Variants in CYP2C19 observed in about 807,000 individuals in gnomAD.
The protein encoded by CYP2C19 is cytochrome P450 2C19.
CYP2C19 carries 59 observed loss-of-function variants against 40.9 expected under a neutral mutation model. The ratio of observed to expected loss-of-function variants is 1.44; its 90% CI spans 1.17 to 1.79. The LOEUF (loss-of-function observed/expected upper bound fraction) is 1.79. Among genes scored for constraint, CYP2C19 ranks in the 40% most tolerant of loss-of-function variants. The pLI is 0.00. For synonymous variants in CYP2C19, 253 were observed against 208.7 expected (o/e 1.21, Z -1.83); for missense variants, 754 against 596.9 (o/e 1.26, Z -2.74).
chr10:94,807,600 A>G (rs1190807142), intron 5 of CYP2C19, among the ~76,000 whole-genome samples: 1 of 152,018 alleles, frequency 6.6e-6, no homozygotes, highest in Non-Finnish European at 1.5e-5. Flanking sequence ...GAGTGAGCTG[A>G]TATCTCATTG....
intron 7 of CYP2C19, among the ~76,000 whole-genome samples, chr10:94,847,056 CTTTATTTTATTTA>C (rs1849582618): frequency 6.6e-6 from 1 of 150,998 alleles, no homozygotes. Context: ...GAGACTTCAA[CTTTATTTTATTTA>C]TTTATTTATT....
chr10:94,798,814 A>ATTTTTTTTTTTTTTTTTT (rs61240923), intron 5 of CYP2C19, among the ~76,000 whole-genome samples: 116 of 67,680 alleles, frequency 1.7e-3, no homozygotes, highest in Admixed American at 2.9e-3. Context: ...GCAACCCCTG[A>ATTTTTTTTTTTTTTTTTT]TTTTTTTTTT....
intron 5 of CYP2C19, among the ~76,000 whole-genome samples, chr10:94,800,485 C>T (rs569959767): frequency 5.3e-5 from 8 of 152,322 alleles, no homozygotes; most frequent in African/African-American, 1.9e-4. Flanking sequence ...GGTTCAGGTA[C>T]CCACTTGAGG....
intron 5 of CYP2C19, among the ~76,000 whole-genome samples, chr10:94,812,758 C>T (rs1050617852): frequency 6.6e-6 from 1 of 151,700 alleles, no homozygotes; most frequent in South Asian, 2.1e-4. Context: ...GTTAGCAATT[C>T]GTCTAACATT....
intron 5 of CYP2C19, among the ~76,000 whole-genome samples, chr10:94,791,553 C>CTGG (rs1167298196): frequency 3.3e-5 from 5 of 152,102 alleles, no homozygotes; most frequent in African/African-American, 1.2e-4. Flanking sequence ...CCCAGAAATT[C>CTGG]TGGTGTGTTG....
chr10:94,845,578 T>G (rs1219817759), intron 7 of CYP2C19, among the ~76,000 whole-genome samples: 1 of 152,178 alleles, frequency 6.6e-6, no homozygotes, highest in African/African-American at 2.4e-5. Context: ...GAGTTTTAAC[T>G]TTCCCATAAT....
chr10:94,794,370 C>T (rs1848653294), intron 5 of CYP2C19, among the ~76,000 whole-genome samples: 1 of 152,108 alleles, frequency 6.6e-6, no homozygotes, highest in South Asian at 2.1e-4. Flanking sequence ...CATTGTCTGA[C>T]AAGCCCCAGT....
intron 6 of CYP2C19, among the ~76,000 whole-genome samples, chr10:94,827,383 A>T (rs1849245367): frequency 6.6e-6 from 1 of 151,804 alleles, no homozygotes. Flanking sequence ...TTCCTGGTTT[A>T]GTCTTGGGAG....
chr10:94,790,931 C>T (rs28872185), intron 5 of CYP2C19, among the ~76,000 whole-genome samples: 19 of 152,068 alleles, frequency 1.2e-4, no homozygotes, highest in African/African-American at 4.3e-4. Flanking sequence ...GGAATAGTTT[C>T]AGAAGGAATG....
chr10:94,826,912 G>C (rs1336767361), intron 6 of CYP2C19, among the ~76,000 whole-genome samples: 1 of 152,096 alleles, frequency 6.6e-6, no homozygotes, highest in Non-Finnish European at 1.5e-5. Flanking sequence ...ATGTAGTATT[G>C]AGATAATCAT....
chr10:94,812,844 C>T (rs1004542048), intron 5 of CYP2C19, among the ~76,000 whole-genome samples: 1 of 152,012 alleles, frequency 6.6e-6, no homozygotes, highest in Non-Finnish European at 1.5e-5. Flanking sequence ...TATTACACAC[C>T]TTCTGAAGCC....
At chr10:94,826,727 G>C (rs532781331) in intron 6 of CYP2C19, among the ~76,000 whole-genome samples, 1 of 152,284 alleles carries the variant, frequency 6.6e-6, no homozygotes, top group African/African-American at 2.4e-5. Flanking sequence ...AGGCATCCCT[G>C]TCTTGTGCCA....
At chr10:94,778,314 G>T (rs1848437555) in intron 3 of CYP2C19, among the ~76,000 whole-genome samples, 1 of 152,054 alleles carries the variant, frequency 6.6e-6, no homozygotes, top group Non-Finnish European at 1.5e-5. Context: ...CTCCCTCACG[G>T]TCAGAGAACA....
chr10:94,837,480 G>T (rs1308269659), intron 6 of CYP2C19, among the ~76,000 whole-genome samples: 4 of 152,252 alleles, frequency 2.6e-5, no homozygotes, highest in South Asian at 4.2e-4. Context: ...CTATGTTCAG[G>T]TGTATAATGG....
At chr10:94,782,020 G>A in intron 5 of CYP2C19, 23 bp downstream of exon 5, 1 of 1,520,716 alleles carries the variant, frequency 6.6e-7, no homozygotes, top group Middle Eastern at 1.9e-4. Flanking sequence ...CAAAAGCTTA[G>A]TTATGTGACT....
intron 6 of CYP2C19, among the ~76,000 whole-genome samples, chr10:94,838,829 G>T (rs149240063): frequency 3.3e-5 from 5 of 151,934 alleles, no homozygotes; most frequent in Non-Finnish European, 7.4e-5. Flanking sequence ...TACAAAAGAG[G>T]TCTAGCTGTA....
At chr10:94,823,403 G>T (rs1311961527) in intron 6 of CYP2C19, among the ~76,000 whole-genome samples, 1 of 152,138 alleles carries the variant, frequency 6.6e-6, no homozygotes, top group Non-Finnish European at 1.5e-5. Context: ...TTTGGTAAGG[G>T]TCCACACCTT....
intron 1 of CYP2C19, among the ~76,000 whole-genome samples, chr10:94,767,351 C>A (rs1284644922): frequency 6.6e-6 from 1 of 152,158 alleles, no homozygotes; most frequent in African/African-American, 2.4e-5. Flanking sequence ...AAAGCCAGAC[C>A]ATTGTCACTC....
At chr10:94,804,199 T>G (rs570166672) in intron 5 of CYP2C19, among the ~76,000 whole-genome samples, 60 of 152,210 alleles carry the variant, frequency 3.9e-4, no homozygotes, top group Middle Eastern at 3.4e-3. Flanking sequence ...CAAGGACACA[T>G]GCAGACCATT....
Sources: allele counts gnomAD v4.1 joint callset (sites outside exome capture counted in the v4.1 genomes callset), GRCh38; gene constraint gnomAD v4.1.1; transcripts MANE v1.5; gene names NCBI Gene and HGNC (gene_info 2026-07-23, HGNC 2026-07-21).